SPTLC2: variants seen among roughly 807,000 people sequenced by gnomAD.
SPTLC2 encodes serine palmitoyltransferase long chain base subunit 2, also known as serine palmitoyltransferase 2.
SPTLC2 carries 21 observed loss-of-function variants against 62.0 expected under a neutral mutation model. The ratio of observed to expected loss-of-function variants is 0.34; its 90% CI spans 0.24 to 0.49. SPTLC2 has a LOEUF of 0.49. Among genes scored for constraint, SPTLC2 ranks in the 20% least tolerant of loss-of-function variants. The pLI is 0.99. For missense variants in SPTLC2, 511 were observed against 713.0 expected (o/e 0.72, Z 3.23); for synonymous variants, 261 against 261.8 (o/e 1.00, Z 0.03).
In SPTLC2 at chr14:77,518,071, C is replaced by T; in HGVS notation, c.1536G>A (p.Leu512=). The T allele has an allele frequency of 1.2e-6, 2 of 1,614,192 alleles. No individual in the cohort carries two copies. Among genetic ancestry groups the T allele is most frequent in the Non-Finnish European group, 1.7e-6 (2 of 1,180,044 alleles). ...GTATTTCTTTGGTATGAGCTGCTGA[C>T]AGGCAAAACCTGGCTCTGGACTCAA... ...PIIESRARFC[L]SAAHTKEILD... The change falls in exon 11 of 12, where the codon CTG becomes CTA. Residue 512 remains leucine (L), a synonymous_variant. Transcript: ENST00000216484.
At chr14:77,583,939 C>G (rs1595004966) in intron 2 of SPTLC2, among the ~76,000 whole-genome samples, 1 of 152,192 alleles carries the variant, frequency 6.6e-6, no homozygotes, top group East Asian at 1.9e-4. Context: ...ATCCCATATC[C>G]TAGCACATGT....
chr14:77,518,216 T>C (rs772160895), intron 10 of SPTLC2, 49 bp from the exon 11 acceptor site: 3 of 1,612,806 alleles, frequency 1.9e-6, no homozygotes, highest in Middle Eastern at 1.7e-4. Context: ...GAAAAAGCAC[T>C]CATTACAGAG....
In SPTLC2 at chr14:77,507,170, G is replaced by A. The variant is rs1667737535; in HGVS notation, c.*5114C>T. 6.6e-6 allele frequency: 1 copy of A among 152,132 alleles called. No homozygotes were observed. Among genetic ancestry groups the A allele is most frequent in the Non-Finnish European group, 1.5e-5 (1 of 68,036 alleles). 9.4% of individuals were successfully genotyped at this position (152,132 alleles called of 1,614,324 possible). On this transcript the variant is annotated 3_prime_UTR_variant, in exon 12 of 12. Transcript: ENST00000216484. ...CTAGAAAAGAGCTGCTTAGAAAACA[G>A]ATGTCACTGGAAATGACAAAAGGAA...
At chr14:77,588,938 A>G (rs1595007881) in intron 2 of SPTLC2, among the ~76,000 whole-genome samples, 1 of 132,030 alleles carries the variant, frequency 7.6e-6, no homozygotes, top group African/African-American at 2.9e-5. Context: ...TCGAGGCTGC[A>G]GTGAGCTGAG....
At chr14:77,569,589 G>A (rs12147041) in intron 5 of SPTLC2, among the ~76,000 whole-genome samples, 63,284 of 150,764 alleles carry the variant, frequency 0.42, 15,738 homozygotes, top group East Asian at 0.87. Flanking sequence ...CAATTCTCCT[G>A]CTTGAGTTAA....
In SPTLC2 at chr14:77,552,104, G is replaced by A; in HGVS notation, c.1295C>T (p.Thr432Ile). ...SMKCIMGQDG[T>I]SLGKECVQQL... The stretch of plus-strand genomic sequence containing the variant: ...AGAAAAGAAAGACTTACCAAGGCTG[G>A]TGCCATCCTGCCCCATGATGCACTT... The change falls in exon 9 of 12, where the codon ACC (threonine) becomes ATC (isoleucine). Residue 432 changes from threonine (T) to isoleucine (I), a missense_variant. Coordinates refer to ENST00000216484, the MANE Select transcript of SPTLC2 (RefSeq NM_004863.4). 3 of 1,614,114 alleles carry A rather than the reference G, an allele frequency of 1.9e-6. No individual in the cohort carries two copies. The highest frequency in any genetic ancestry group is 1.3e-5 in the African/African-American group (1 of 75,044).
At chr14:77,609,738 A>C (rs1337014685) in intron 1 of SPTLC2, among the ~76,000 whole-genome samples, 1 of 152,052 alleles carries the variant, frequency 6.6e-6, no homozygotes, top group Admixed American at 6.6e-5. Context: ...AAAAAAAAAA[A>C]AATTTTGCCA....
rs1190713237 is a variant in SPTLC2, at chr14:77,513,016, C to CTTTTTTTTTTTTTTTTTT, written c.1570-631_1570-614dup. 8.0e-5 allele frequency among the ~76,000 whole-genome samples: 5 copies of CTTTTTTTTTTTTTTTTTT among 62,828 alleles called. 1 individual carries two copies. The highest frequency in any genetic ancestry group is 1.1e-4 in the Non-Finnish European group (4 of 36,982). 41.2% of individuals were successfully genotyped at this position (62,828 alleles called of 152,430 possible). A position where few individuals can be genotyped will look rare whatever the true frequency, so the allele number is the denominator to read the frequency against. The stretch of plus-strand genomic sequence containing the variant: ...AGGCGTAAGCCAACGAACCCAGCAA[C>CTTTTTTTTTTTTTTTTTT]TTTTTTTTTTTTTTTTTTTTTTTTT... On this transcript the variant is annotated intron_variant, in intron 11 of 11. Coordinates refer to ENST00000216484, the MANE Select transcript of SPTLC2 (RefSeq NM_004863.4).
chr14:77,583,304 A>G (rs902641647), intron 2 of SPTLC2, among the ~76,000 whole-genome samples: 3 of 152,102 alleles, frequency 2.0e-5, no homozygotes, highest in Non-Finnish European at 2.9e-5. Context: ...TTAGCCATGA[A>G]AAAAAGGAGG....
rs140863568 is a variant in SPTLC2 at position 77,592,337 on chromosome 14, G to A, written c.327+4849C>T. On this transcript the variant is annotated intron_variant, in intron 2 of 11. Coordinates refer to ENST00000216484, the MANE Select transcript of SPTLC2 (RefSeq NM_004863.4). The stretch of plus-strand genomic sequence containing the variant: ...TTTAGTAGAGATGGGGTTTCATCAC[G>A]TTGGCCAGGCTGGTCTTGAACTCCT... Among the ~76,000 whole-genome samples the A allele has an allele frequency of 2.3e-3, 353 of 151,710 alleles. 1 individual carries two copies. The highest frequency in any genetic ancestry group is 7.9e-3 in the African/African-American group (325 of 41,374).
intron 7 of SPTLC2, among the ~76,000 whole-genome samples, chr14:77,556,072 C>T (rs867602020): frequency 6.6e-6 from 1 of 152,172 alleles, no homozygotes; most frequent in Middle Eastern, 3.4e-3. Context: ...CCTGTAATCC[C>T]AGCACTTTGG....
intron 3 of SPTLC2, among the ~76,000 whole-genome samples, chr14:77,577,268 AT>A (rs1269160399): frequency 6.6e-6 from 1 of 152,044 alleles, no homozygotes; most frequent in East Asian, 1.9e-4. Flanking sequence ...ATATATACAC[AT>A]GAGGATCCTT....
At position 77,557,032 on chromosome 14, in the gene SPTLC2, C is replaced by T; in HGVS notation, c.956+9G>A. 6.2e-7 allele frequency: 1 copy of T among 1,607,406 alleles called. No individual in the cohort carries two copies. Among genetic ancestry groups the T allele is most frequent in the South Asian group, 1.1e-5 (1 of 90,928 alleles). The stretch of plus-strand genomic sequence containing the variant: ...AGTCACAAAGGTAAGAATAATAAAG[C>T]AGGATTACCTATATATTCCTTCCAC... On this transcript the variant is annotated intron_variant, in intron 7 of 11. Coordinates refer to ENST00000216484, the MANE Select transcript of SPTLC2 (RefSeq NM_004863.4).
intron 9 of SPTLC2, among the ~76,000 whole-genome samples, chr14:77,522,089 G>C (rs887003533): frequency 6.6e-6 from 1 of 152,144 alleles, no homozygotes. Flanking sequence ...TAAGACCAGA[G>C]ATGAAGCCTT....
intron 9 of SPTLC2, chr14:77,535,713 CTG>C (rs2079466102): frequency 3.5e-6 from 1 of 285,994 alleles, no homozygotes; most frequent in Non-Finnish European, 6.8e-6. Context: ...CTGGAACTCT[CTG>C]TACGGATATC....
At chr14:77,588,654 C>T (rs1360605518) in intron 2 of SPTLC2, among the ~76,000 whole-genome samples, 1 of 151,650 alleles carries the variant, frequency 6.6e-6, no homozygotes, top group East Asian at 1.9e-4. Flanking sequence ...TGAGATTGTG[C>T]CACTGCACTC....
intron 2 of SPTLC2, among the ~76,000 whole-genome samples, chr14:77,581,472 G>A (rs1186361444): frequency 7.3e-6 from 1 of 136,914 alleles, no homozygotes; most frequent in Non-Finnish European, 1.5e-5. Context: ...GTGTAATGGT[G>A]TGATCTCGCC....
chr14:77,601,513 A>G (rs12587835), intron 1 of SPTLC2, among the ~76,000 whole-genome samples: 1 of 151,910 alleles, frequency 6.6e-6, no homozygotes, highest in African/African-American at 2.4e-5. Flanking sequence ...AGGTGAAATA[A>G]ACAGCCTTGT....
intron 2 of SPTLC2, among the ~76,000 whole-genome samples, chr14:77,579,546 C>T (rs116860810): frequency 2.7e-3 from 414 of 152,146 alleles, no homozygotes; most frequent in Admixed American, 4.4e-3. Context: ...CTCAGGAGTT[C>T]GGGACAAGCC....
Sources: gnomAD v4.1 joint callset for allele counts (sites outside exome capture counted in the v4.1 genomes callset) on GRCh38, gnomAD v4.1.1 for gene constraint, MANE v1.5 for transcripts, NCBI Gene and HGNC (gene_info 2026-07-23, HGNC 2026-07-21) for gene names.